The following EXOC6 variants were observed in gnomAD, a reference collection of about 807,000 sequenced individuals.
EXOC6 encodes exocyst complex component 6.
A neutral mutation model predicts 112.5 loss-of-function variants in EXOC6; 60 were observed. The observed-to-expected ratio is 0.53, with a 90% CI of 0.43 to 0.66. EXOC6 has a LOEUF of 0.66. Among genes scored for constraint, EXOC6 ranks in the 30% least tolerant of loss-of-function variants. The probability of loss-of-function intolerance (pLI) is 0.00; values close to 1 mark genes in which losing one functional copy is unlikely to be tolerated. For missense variants in EXOC6, 855 were observed against 957.1 expected (o/e 0.89, Z 1.41); for synonymous variants, 295 against 308.0 (o/e 0.96, Z 0.44).
chr10:92,857,039 G>C (rs1847635471), intron 1 of EXOC6, among the ~76,000 whole-genome samples: 1 of 151,982 alleles, frequency 6.6e-6, no homozygotes, highest in South Asian at 2.1e-4. Flanking sequence ...CACATCATTG[G>C]ATCTTATTTT....
chr10:93,029,630 T>C (rs1205035466), intron 20 of EXOC6, among the ~76,000 whole-genome samples: 1 of 152,216 alleles, frequency 6.6e-6, no homozygotes, highest in East Asian at 1.9e-4. Flanking sequence ...GAGAAGTTCA[T>C]AATAGTAATG....
chr10:93,007,299 T>G (rs545855869), intron 19 of EXOC6, among the ~76,000 whole-genome samples: 1,574 of 149,578 alleles, frequency 0.011, 28 homozygotes, highest in African/African-American at 0.037. Flanking sequence ...TTTTTTTTTT[T>G]TTATATATAC....
chr10:92,872,374 A>C (rs1200999388), intron 1 of EXOC6, among the ~76,000 whole-genome samples: 1 of 151,912 alleles, frequency 6.6e-6, no homozygotes, highest in African/African-American at 2.4e-5. Flanking sequence ...TTTTTATTCT[A>C]TTCTTTCAAA....
chr10:92,859,419 C>T (rs144637160), intron 1 of EXOC6, among the ~76,000 whole-genome samples: 7 of 152,288 alleles, frequency 4.6e-5, no homozygotes, highest in African/African-American at 9.6e-5. Context: ...TTTCTGCCTT[C>T]GTTGGCATCA....
intron 5 of EXOC6, among the ~76,000 whole-genome samples, chr10:92,904,086 C>A (rs1850318241): frequency 6.6e-6 from 1 of 151,966 alleles, no homozygotes; most frequent in African/African-American, 2.4e-5. Flanking sequence ...TGGCTTATTT[C>A]GCTTGGCAAT....
intron 1 of EXOC6, among the ~76,000 whole-genome samples, chr10:92,866,578 T>G (rs1848184006): frequency 6.6e-6 from 1 of 151,968 alleles, no homozygotes; most frequent in South Asian, 2.1e-4. Context: ...CATACATGTT[T>G]AAATTAAAAG....
At chr10:93,049,401 A>G (rs1242649570) in intron 20 of EXOC6, among the ~76,000 whole-genome samples, 1 of 152,122 alleles carries the variant, frequency 6.6e-6, no homozygotes, top group African/African-American at 2.4e-5. Flanking sequence ...ATAAATGTCC[A>G]TCAACTGATG....
At chr10:92,827,474 CAAAAAAAAAAAAAA>C (rs60863083) in intron 1 of EXOC6, among the ~76,000 whole-genome samples, 21 of 33,208 alleles carry the variant, frequency 6.3e-4, no homozygotes, top group South Asian at 2.7e-3. Flanking sequence ...GCCCTGTTGC[CAAAAAAAAAAAAAA>C]AAAAAAAAAA....
At chr10:92,964,058 AG>A (rs1159962133) in intron 17 of EXOC6, among the ~76,000 whole-genome samples, 1 of 151,870 alleles carries the variant, frequency 6.6e-6, no homozygotes, top group Non-Finnish European at 1.5e-5. Context: ...AAAAGTAACC[AG>A]GTGAATTAGT....
chr10:93,058,483 T>C lies in EXOC6; in HGVS notation c.*128T>C. 1.7e-6 allele frequency: 1 copy of C among 596,874 alleles called. No individual in the cohort carries two copies. Among genetic ancestry groups the C allele is most frequent in the Non-Finnish European group, 2.6e-6 (1 of 382,302 alleles). The allele number at this position is 596,874 out of a possible 1,614,324, so 37.0% of individuals were successfully genotyped here. On this transcript the variant is annotated 3_prime_UTR_variant, in exon 22 of 22. Transcript: ENST00000260762. ...TACAATAGAGAAGATACATGAGGGCTTAAACAAGAAATAGTAATAAATATC... is the reference window on the plus strand; with the variant it reads ...TACAATAGAGAAGATACATGAGGGCCTAAACAAGAAATAGTAATAAATATC...
chr10:92,859,028 G>A (rs759515914), intron 1 of EXOC6, among the ~76,000 whole-genome samples: 4 of 152,200 alleles, frequency 2.6e-5, no homozygotes, highest in African/African-American at 4.8e-5. Flanking sequence ...GCCTCCCAGA[G>A]TGTTAGGATT....
intron 18 of EXOC6, among the ~76,000 whole-genome samples, chr10:92,994,367 A>G (rs559180869): frequency 6.6e-6 from 1 of 152,002 alleles, no homozygotes; most frequent in Non-Finnish European, 1.5e-5. Context: ...ATGTCAGCAG[A>G]TTCTCTTTTA....
intron 20 of EXOC6, among the ~76,000 whole-genome samples, chr10:93,038,346 C>G (rs909111586): frequency 1.3e-5 from 2 of 152,118 alleles, no homozygotes; most frequent in African/African-American, 4.8e-5. Flanking sequence ...AAAAATCCTA[C>G]TAAGCATTCT....
At chr10:92,848,453 C>A, upstream of EXOC6, 2 of 1,114,316 alleles carry the variant, frequency 1.8e-6, no homozygotes, top group South Asian at 2.2e-5. Flanking sequence ...CGCCCCGCCC[C>A]TTCGCGCTCG....
At chr10:92,951,388 A>G (rs535332633) in intron 14 of EXOC6, among the ~76,000 whole-genome samples, 1 of 152,312 alleles carries the variant, frequency 6.6e-6, no homozygotes, top group South Asian at 2.1e-4. Flanking sequence ...TAGGTAGAGA[A>G]AAAGGAGGAA....
At chr10:92,988,596 T>C (rs57988954) in intron 18 of EXOC6, among the ~76,000 whole-genome samples, 7,996 of 152,226 alleles carry the variant, frequency 0.053, 431 homozygotes, top group East Asian at 0.15. Flanking sequence ...CAGGGGTTCT[T>C]GATTATCTAT....
At chr10:92,976,235 G>A (rs1203888680) in intron 18 of EXOC6, among the ~76,000 whole-genome samples, 2 of 152,216 alleles carry the variant, frequency 1.3e-5, no homozygotes, top group Non-Finnish European at 2.9e-5. Context: ...ATAGAAAGGG[G>A]GGAAAGGTGG....
chr10:92,985,077 C>G (rs1338955007), intron 18 of EXOC6, among the ~76,000 whole-genome samples: 1 of 152,086 alleles, frequency 6.6e-6, no homozygotes, highest in Admixed American at 6.6e-5. Flanking sequence ...TCCTTCTTCT[C>G]CCTCTTCCTC....
intron 4 of EXOC6, 45 bp from the exon 5 acceptor site, chr10:92,899,554 T>A: frequency 1.5e-6 from 2 of 1,331,888 alleles, no homozygotes; most frequent in Non-Finnish European, 2.1e-6. Context: ...CTCAAAATAT[T>A]TTCTTTTCAT....
Sources: allele counts gnomAD v4.1 joint callset (sites outside exome capture counted in the v4.1 genomes callset), GRCh38; gene constraint gnomAD v4.1.1; transcripts MANE v1.5; gene names NCBI Gene and HGNC (gene_info 2026-07-23, HGNC 2026-07-21).